MS4A15: variants seen among roughly 807,000 people sequenced by gnomAD.
MS4A15 encodes the protein membrane-spanning 4-domains subfamily A member 15.
MS4A15 carries 22 observed loss-of-function variants against 20.6 expected under a neutral mutation model. The observed-to-expected ratio is 1.07, with a 90% confidence interval of 0.76 to 1.52. MS4A15 has a LOEUF of 1.52. Among genes scored for constraint, MS4A15 ranks in the 40% most tolerant of loss-of-function variants. MS4A15 has a pLI of 0.00. For synonymous variants in MS4A15, 129 were observed against 129.3 expected (o/e 1.00, Z 0.02); for missense variants, 312 against 323.0 (o/e 0.97, Z 0.26).
chr11:60,773,757 C>T (rs1854105660), intron 5 of MS4A15, 80 bp from the exon 6 acceptor site: 1 of 1,205,308 alleles, frequency 8.3e-7, no homozygotes, highest in South Asian at 1.2e-5. Context: ...GCCGCATGAC[C>T]TTGGGCAAGT....
intron 4 of MS4A15, among the ~76,000 whole-genome samples, chr11:60,773,077 CA>C (rs988508419): frequency 7.9e-5 from 12 of 152,214 alleles, no homozygotes; most frequent in African/African-American, 2.9e-4. Flanking sequence ...GAGGGAGCCA[CA>C]GTACGGGGTA....
intron 1 of MS4A15, among the ~76,000 whole-genome samples, chr11:60,762,048 A>G (rs1219818829): frequency 6.6e-6 from 1 of 152,248 alleles, no homozygotes; most frequent in African/African-American, 2.4e-5. Context: ...GCACTGTCTC[A>G]TACTCAGAAA....
chr11:60,772,207 T>C (rs4938979), intron 4 of MS4A15, among the ~76,000 whole-genome samples: 149,067 of 152,230 alleles, frequency 0.98, 73,057 homozygotes, highest in Middle Eastern at 1. Flanking sequence ...ACCAGAGTGC[T>C]GGACCATCAC....
intron 6 of MS4A15, among the ~76,000 whole-genome samples, chr11:60,775,144 C>T (rs1286405064): frequency 6.6e-6 from 1 of 151,916 alleles, no homozygotes; most frequent in African/African-American, 2.4e-5. Context: ...GATGAAACCC[C>T]GTCTCTACTA....
chr11:60,759,543 G>A (rs1173927511), intron 1 of MS4A15, among the ~76,000 whole-genome samples: 1 of 152,136 alleles, frequency 6.6e-6, no homozygotes, highest in Non-Finnish European at 1.5e-5. Flanking sequence ...GGTCTGTGCT[G>A]AGGAGGATTA....
chr11:60,767,772 G>A, intron 3 of MS4A15, 117 bp downstream of exon 3: 1 of 1,255,448 alleles, frequency 8.0e-7, no homozygotes, highest in Non-Finnish European at 1.0e-6. Flanking sequence ...TGGGGGCCTG[G>A]AGGCACTTCC....
chr11:60,770,052 C>T (rs1037034869), intron 3 of MS4A15, among the ~76,000 whole-genome samples: 1 of 152,216 alleles, frequency 6.6e-6, no homozygotes, highest in Non-Finnish European at 1.5e-5. Flanking sequence ...CCTCTCAGCT[C>T]GGCAGACGCA....
intron 3 of MS4A15, among the ~76,000 whole-genome samples, chr11:60,770,422 A>G (rs957672327): frequency 6.6e-6 from 1 of 151,630 alleles, no homozygotes. Context: ...ATATGGTGAA[A>G]CCCCGTCTCT....
chr11:60,767,641 T>C lies in MS4A15; in HGVS notation c.334T>C (p.Trp112Arg). The C allele has an allele frequency of 6.4e-7, 1 of 1,553,176 alleles. No individual in the cohort carries two copies. The highest frequency in any genetic ancestry group is 2.4e-5 in the East Asian group (1 of 41,858). ...IFFIEGGVPF[W>R]GGACFIISGS... ...CTTCATCGAGGGCGGCGTCCCCTTC[T>C]GGGGAGGAGCCTGCGTGAGTGCCGG... The change falls in exon 3 of 7, where the codon TGG (tryptophan) becomes CGG (arginine). Residue 112 changes from tryptophan to arginine, a missense_variant. Coordinates refer to ENST00000405633, the MANE Select transcript of MS4A15 (RefSeq NM_001098835.2).
chr11:60,768,186 C>T lies in MS4A15; in HGVS notation c.348+531C>T, dbSNP rs184505950. 3.3e-3 allele frequency among the ~76,000 whole-genome samples: 498 copies of T among 152,250 alleles called. 3 individuals carry two copies. The highest frequency in any genetic ancestry group is 0.011 in the African/African-American group (471 of 41,546). On this transcript the variant is annotated intron_variant, in intron 3 of 6. Coordinates refer to ENST00000405633, the MANE Select transcript of MS4A15 (RefSeq NM_001098835.2). The stretch of plus-strand genomic sequence containing the variant: ...CCAGCCTGGGCAACAGAGCAAGACT[C>T]CATCTCAAAAAGAAAAAAAAAGGGA...
At chr11:60,772,702 G>A (rs1854072586) in intron 4 of MS4A15, among the ~76,000 whole-genome samples, 1 of 152,134 alleles carries the variant, frequency 6.6e-6, no homozygotes, top group South Asian at 2.1e-4. Flanking sequence ...TTAACCAGAA[G>A]GCTCCAGCTA....
chr11:60,767,661 T>C lies in MS4A15; in HGVS notation c.348+6T>C. On this transcript the variant is annotated splice_donor_region_variant and intron_variant, in intron 3 of 6. Transcript: ENST00000405633. Reference sequence around the variant, plus strand: ...CCTTCTGGGGAGGAGCCTGCGTGAGTGCCGGGGCCATGGAGAGGGAGGGTA... The same window carrying C: ...CCTTCTGGGGAGGAGCCTGCGTGAGCGCCGGGGCCATGGAGAGGGAGGGTA... 1 of 1,545,374 alleles carries C rather than the reference T, an allele frequency of 6.5e-7. No homozygotes were observed. Among genetic ancestry groups the C allele is most frequent in the Non-Finnish European group, 8.7e-7 (1 of 1,144,438 alleles).
intron 3 of MS4A15, among the ~76,000 whole-genome samples, chr11:60,771,049 A>G (rs893646775): frequency 3.3e-5 from 5 of 152,200 alleles, no homozygotes; most frequent in African/African-American, 1.2e-4. Context: ...TGAAGGAACA[A>G]TGCCTTCCCC....
At chr11:60,765,973 T>G (rs910462770) in intron 2 of MS4A15, among the ~76,000 whole-genome samples, 1 of 152,022 alleles carries the variant, frequency 6.6e-6, no homozygotes, top group Non-Finnish European at 1.5e-5. Flanking sequence ...TGCCACCCGC[T>G]AAGAATACCA....
At chr11:60,764,838 G>A (rs1056928201) in intron 2 of MS4A15, among the ~76,000 whole-genome samples, 2 of 152,150 alleles carry the variant, frequency 1.3e-5, no homozygotes, top group African/African-American at 2.4e-5. Context: ...GAACCCGGGA[G>A]GTGGAGGTTG....
chr11:60,760,275 G>A (rs748846317), intron 1 of MS4A15, among the ~76,000 whole-genome samples: 6 of 152,166 alleles, frequency 3.9e-5, no homozygotes, highest in Admixed American at 2.6e-4. Context: ...CCATCAGAAC[G>A]CCTGCAGTCT....
intron 3 of MS4A15, among the ~76,000 whole-genome samples, chr11:60,769,910 C>T (rs1051170647): frequency 1.3e-5 from 2 of 152,150 alleles, no homozygotes; most frequent in African/African-American, 2.4e-5. Context: ...CCTCTGTCTC[C>T]GTGTCACCCC....
At chr11:60,758,409 A>G (rs1353745026) in intron 1 of MS4A15, among the ~76,000 whole-genome samples, 1 of 152,238 alleles carries the variant, frequency 6.6e-6, no homozygotes, top group African/African-American at 2.4e-5. Flanking sequence ...TTCTTATGTT[A>G]CAATTGGCTT....
Position 60,775,756 on chromosome 11 carries a change from C to T in MS4A15, c.*41C>T, listed in dbSNP as rs747286316. 28 of 1,534,150 alleles carry T rather than the reference C, an allele frequency of 1.8e-5. No individual in the cohort carries two copies. The highest frequency in any genetic ancestry group is 2.4e-5 in the Non-Finnish European group (27 of 1,116,148). On this transcript the variant is annotated 3_prime_UTR_variant, in exon 7 of 7. Transcript: ENST00000405633. ...CCTGCGGGTGGAGTCCAGCCTTTTCCCTCTGGGCCCAGCCTCTCCCCACCC... is the reference window on the plus strand; with the variant it reads ...CCTGCGGGTGGAGTCCAGCCTTTTCTCTCTGGGCCCAGCCTCTCCCCACCC...
Sources: gnomAD v4.1 joint callset for allele counts (sites outside exome capture counted in the v4.1 genomes callset) on GRCh38, gnomAD v4.1.1 for gene constraint, MANE v1.5 for transcripts, NCBI Gene and HGNC (gene_info 2026-07-23, HGNC 2026-07-21) for gene names.